Variants in DLGAP1 observed in about 807,000 individuals in gnomAD.
The protein encoded by DLGAP1 is DLG associated protein 1, also known as disks large-associated protein 1.
DLGAP1 carries 11 observed loss-of-function variants against 90.8 expected under a neutral mutation model. That is an observed-to-expected ratio of 0.12 (90% CI 0.08 to 0.20). The LOEUF (loss-of-function observed/expected upper bound fraction) is 0.20, where lower values mean the gene tolerates loss of function less well. Among genes scored for constraint, DLGAP1 ranks in the 10% least tolerant of loss-of-function variants. The probability of loss-of-function intolerance (pLI) is 1.00; values close to 1 mark genes in which losing one functional copy is unlikely to be tolerated. For synonymous variants in DLGAP1, 558 were observed against 540.7 expected (o/e 1.03, Z -0.44); for missense variants, 1,050 against 1,333.8 (o/e 0.79, Z 3.31).
intron 1 of DLGAP1, among the ~76,000 whole-genome samples, chr18:4,328,136 C>T (rs934792694): frequency 6.6e-5 from 10 of 151,888 alleles, no homozygotes; most frequent in Admixed American, 5.3e-4. Flanking sequence ...GACATTTAGA[C>T]CCCAAATTCA....
intron 1 of DLGAP1, among the ~76,000 whole-genome samples, chr18:4,156,312 T>C (rs1047354521): frequency 6.6e-6 from 1 of 152,198 alleles, no homozygotes; most frequent in African/African-American, 2.4e-5. Context: ...GCATAGGTGA[T>C]TGGTAGTATT....
intron 2 of DLGAP1, among the ~76,000 whole-genome samples, chr18:4,118,944 T>C (rs2076107611): frequency 6.6e-6 from 1 of 152,226 alleles, no homozygotes; most frequent in Non-Finnish European, 1.5e-5. Context: ...TTCACTCTTC[T>C]CTGGAGTCAT....
intron 1 of DLGAP1, among the ~76,000 whole-genome samples, chr18:4,346,587 A>C (rs73941445): frequency 0.01 from 1,598 of 152,300 alleles, 29 homozygotes; most frequent in African/African-American, 0.035. Context: ...GGGGAATTAG[A>C]TATTTGCTGA....
At chr18:3,984,591 G>A (rs777551870) in intron 3 of DLGAP1, among the ~76,000 whole-genome samples, 18 of 152,234 alleles carry the variant, frequency 1.2e-4, no homozygotes, top group Middle Eastern at 6.8e-3. Flanking sequence ...CATCTTTAAT[G>A]TTCTTTCCCA....
At chr18:4,382,422 T>C (rs1457548156) in intron 1 of DLGAP1, among the ~76,000 whole-genome samples, 1 of 151,916 alleles carries the variant, frequency 6.6e-6, no homozygotes, top group Non-Finnish European at 1.5e-5. Flanking sequence ...ATTTTTTCTC[T>C]AAGAAAAATC....
At chr18:3,594,076 T>A (rs980389636) in intron 7 of DLGAP1, 1 of 151,218 alleles carries the variant, frequency 6.6e-6, no homozygotes, top group African/African-American at 2.4e-5. Context: ...GCCACTCCTC[T>A]GTTAGAACTA....
chr18:4,225,010 C>T (rs2145001492), intron 1 of DLGAP1, among the ~76,000 whole-genome samples: 1 of 152,216 alleles, frequency 6.6e-6, no homozygotes, highest in Middle Eastern at 3.4e-3. Context: ...CCCACACACA[C>T]ATGCATGCAC....
intron 8 of DLGAP1, among the ~76,000 whole-genome samples, chr18:3,580,982 G>A (rs1304637262): frequency 1.3e-5 from 2 of 152,122 alleles, no homozygotes; most frequent in African/African-American, 2.4e-5. Flanking sequence ...TGTTATTTAC[G>A]GCTTTTTGCT....
intron 5 of DLGAP1, among the ~76,000 whole-genome samples, chr18:3,787,021 C>T (rs1204465759): frequency 6.6e-6 from 1 of 151,798 alleles, no homozygotes; most frequent in Non-Finnish European, 1.5e-5. Context: ...TGAAACCCAT[C>T]ATGGGAGAAT....
chr18:4,190,771 G>C (rs2077381783), intron 1 of DLGAP1, among the ~76,000 whole-genome samples: 1 of 152,006 alleles, frequency 6.6e-6, no homozygotes, highest in Admixed American at 6.6e-5. Flanking sequence ...TCTAGGTTTG[G>C]AGCTATGAAT....
At chr18:4,099,841 C>G (rs1321442381) in intron 2 of DLGAP1, among the ~76,000 whole-genome samples, 1 of 151,902 alleles carries the variant, frequency 6.6e-6, no homozygotes, top group Non-Finnish European at 1.5e-5. Context: ...GTAGCTGGGA[C>G]TACAGGTGTG....
chr18:4,421,252 ATCTC>A (rs937545445), intron 1 of DLGAP1, among the ~76,000 whole-genome samples: 2 of 150,596 alleles, frequency 1.3e-5, no homozygotes, highest in Non-Finnish European at 3.0e-5. Flanking sequence ...TTGTAGCCAC[ATCTC>A]TCTCTCTCTC....
chr18:3,523,706 G>A (rs988650497), intron 10 of DLGAP1, among the ~76,000 whole-genome samples: 2 of 152,206 alleles, frequency 1.3e-5, no homozygotes, highest in Non-Finnish European at 2.9e-5. Context: ...AATTAGCCAG[G>A]CGTGGTGGCG....
intron 1 of DLGAP1, among the ~76,000 whole-genome samples, chr18:4,389,278 T>C (rs2082294512): frequency 6.6e-6 from 1 of 152,226 alleles, no homozygotes; most frequent in Non-Finnish European, 1.5e-5. Flanking sequence ...GAATACTTTA[T>C]GATTCTACTT....
In DLGAP1 at chr18:4,336,344, C is replaced by G. The variant is rs1230344931; in HGVS notation, c.-267+118662G>C. ...GCTCTAGACAGCTGATCTGGAAAGT[C>G]TGTAGAAACAACACTTTGAGGACCA... is the stretch of plus-strand genomic sequence containing the variant. On this transcript the variant is annotated intron_variant, in intron 1 of 12. Coordinates refer to ENST00000315677, the MANE Select transcript of DLGAP1 (RefSeq NM_004746.4). Among the ~76,000 whole-genome samples, 20 of 152,224 alleles carry G rather than the reference C, an allele frequency of 1.3e-4. 1 individual carries two copies. Among genetic ancestry groups the G allele is most frequent in the Admixed American group, 1.3e-3 (20 of 15,288 alleles).
chr18:3,625,009 A>T (rs2058239998), intron 7 of DLGAP1, among the ~76,000 whole-genome samples: 3 of 152,170 alleles, frequency 2.0e-5, no homozygotes. Context: ...AACCCAAGCC[A>T]CAAGTCCCTA....
At chr18:4,345,571 T>C (rs145075979) in intron 1 of DLGAP1, among the ~76,000 whole-genome samples, 4 of 152,338 alleles carry the variant, frequency 2.6e-5, no homozygotes, top group Middle Eastern at 3.4e-3. Flanking sequence ...GTGGCAATTA[T>C]AGGTTTCACA....
At chr18:3,731,906 C>T (rs1023959007) in intron 6 of DLGAP1, among the ~76,000 whole-genome samples, 2 of 152,116 alleles carry the variant, frequency 1.3e-5, no homozygotes, top group Non-Finnish European at 2.9e-5. Flanking sequence ...CCCCCATATT[C>T]ACAATCTCCA....
At chr18:3,885,352 C>G (rs1313918942) in intron 3 of DLGAP1, 1 of 152,194 alleles carries the variant, frequency 6.6e-6, no homozygotes, top group Non-Finnish European at 1.5e-5. Flanking sequence ...CAAATGCCTA[C>G]AGTGAATCCC....
Sources: gnomAD v4.1 joint callset for allele counts (sites outside exome capture counted in the v4.1 genomes callset) on GRCh38, gnomAD v4.1.1 for gene constraint, MANE v1.5 for transcripts, NCBI Gene and HGNC (gene_info 2026-07-23, HGNC 2026-07-21) for gene names.